DAB2IP: variants seen among roughly 807,000 people sequenced by gnomAD.
DAB2IP encodes DAB2 interacting protein.
A neutral mutation model predicts 107.2 loss-of-function variants in DAB2IP; 28 were observed. The ratio of observed to expected loss-of-function variants is 0.26; its 90% CI spans 0.19 to 0.36. DAB2IP has a LOEUF of 0.36. Among genes scored for constraint, DAB2IP ranks in the 10% least tolerant of loss-of-function variants. The pLI is 1.00. For synonymous variants in DAB2IP, 755 were observed against 706.4 expected (o/e 1.07, Z -1.09); for missense variants, 1,400 against 1,644.7 (o/e 0.85, Z 2.57).
At chr9:121,694,166 TGGGGA>T (rs1385598221) in intron 2 of DAB2IP, among the ~76,000 whole-genome samples, 1 of 152,084 alleles carries the variant, frequency 6.6e-6, no homozygotes, top group Non-Finnish European at 1.5e-5. Context: ...GGGCTGAGTG[TGGGGA>T]GGATGATCAG....
At chr9:121,600,909 C>T (rs1312862515) in intron 1 of DAB2IP, among the ~76,000 whole-genome samples, 2 of 152,172 alleles carry the variant, frequency 1.3e-5, no homozygotes, top group Non-Finnish European at 2.9e-5. Flanking sequence ...CCGATCTATA[C>T]CCTGGAGCCT....
chr9:121,639,574 G>A (rs1832207968), intron 1 of DAB2IP, among the ~76,000 whole-genome samples: 1 of 152,116 alleles, frequency 6.6e-6, no homozygotes, highest in Non-Finnish European at 1.5e-5. Context: ...AGACCACATG[G>A]GGAGCCTGCG....
intron 1 of DAB2IP, among the ~76,000 whole-genome samples, chr9:121,614,794 T>G (rs1831215394): frequency 6.7e-6 from 1 of 150,128 alleles, no homozygotes; most frequent in East Asian, 2.0e-4. Context: ...AGTGCAGTGT[T>G]GCGATCTTGG....
chr9:121,567,285 A>G, intron 1 of DAB2IP: 1 of 1,611,564 alleles, frequency 6.2e-7, no homozygotes, highest in Non-Finnish European at 8.5e-7. Flanking sequence ...TGCTCAACAG[A>G]CTTTTCTCTG....
At chr9:121,757,629 G>A (rs530816704) in intron 4 of DAB2IP, among the ~76,000 whole-genome samples, 1 of 152,174 alleles carries the variant, frequency 6.6e-6, no homozygotes, top group East Asian at 1.9e-4. Context: ...AATGCAGAGA[G>A]CCAGTGACCC....
In DAB2IP at chr9:121,748,210, G is replaced by T. The variant is rs184144104; in HGVS notation, c.363-8803G>T. Among the ~76,000 whole-genome samples the T allele has an allele frequency of 9.6e-4, 147 of 152,340 alleles. 1 individual carries two copies. Among genetic ancestry groups the T allele is most frequent in the Non-Finnish European group, 1.7e-3 (117 of 68,036 alleles). On this transcript the variant is annotated intron_variant, in intron 3 of 15. Transcript: ENST00000408936. ...GCGTGTGAGGAAATGGCACCTAGAA[G>T]GGGGAGGAAACTCGTTCAGGGTCTG...
chr9:121,630,812 TG>T (rs1831849958), intron 1 of DAB2IP, among the ~76,000 whole-genome samples: 4 of 152,172 alleles, frequency 2.6e-5, no homozygotes, highest in African/African-American at 9.6e-5. Flanking sequence ...TTCACCATGT[TG>T]GCCAGGCTGG....
At chr9:121,766,416 T>A in intron 8 of DAB2IP, 78 bp from the exon 9 acceptor site, 23 of 1,367,870 alleles carry the variant, frequency 1.7e-5, no homozygotes, top group Non-Finnish European at 2.2e-5. Context: ...AAGGTTGGAA[T>A]GCAGGTTCCT....
intron 1 of DAB2IP, among the ~76,000 whole-genome samples, chr9:121,609,718 G>A (rs550303740): frequency 1.3e-5 from 2 of 152,350 alleles, no homozygotes; most frequent in South Asian, 2.1e-4. Context: ...AGAGGCCTGG[G>A]TTTGCCTAAA....
chr9:121,750,415 A>G (rs1833032484), intron 3 of DAB2IP, among the ~76,000 whole-genome samples: 1 of 152,104 alleles, frequency 6.6e-6, no homozygotes, highest in Non-Finnish European at 1.5e-5. Context: ...AGCCCTAGCC[A>G]TGCAGCATGT....
chr9:121,699,344 T>C lies in DAB2IP; in HGVS notation c.248T>C (p.Leu83Pro), dbSNP rs1589538448. ...GCGCAGGGCTTCCTCAGCCGCCGCC[T>C]CAAGGGCTCCATCAAGCGCACCAAG... The change falls in exon 3 of 16, where the codon CTC becomes CCC. Residue 83 changes from leucine to proline, a missense_variant. Transcript: ENST00000408936. This position sits in a 1 kb window ranked among gnomAD's most constrained non-coding sequence, Gnocchi z 6.2. 4 of 1,383,588 alleles carry C rather than the reference T, an allele frequency of 2.9e-6. No individual in the cohort carries two copies. Among genetic ancestry groups the C allele is most frequent in the South Asian group, 1.3e-5 (1 of 75,420 alleles). 85.7% of individuals were successfully genotyped at this position (1,383,588 alleles called of 1,614,324 possible). A position where few individuals can be genotyped will look rare whatever the true frequency, so the allele number is the denominator to read the frequency against.
At chr9:121,757,073 C>A in exon 4 of DAB2IP, 1 of 1,614,200 alleles carries the variant, frequency 6.2e-7, no homozygotes, top group Non-Finnish European at 8.5e-7. Flanking sequence ...TCAGCCCCAG[C>A]AGTGCGGTGG....
At chr9:121,595,602 C>CAAA (rs34697198) in intron 1 of DAB2IP, among the ~76,000 whole-genome samples, 1,686 of 133,192 alleles carry the variant, frequency 0.013, 21 homozygotes, top group African/African-American at 0.025. Context: ...GGTGCTGTCT[C>CAAA]AAAAAAAAAA....
At position 121,737,733 on chromosome 9, in the gene DAB2IP, T is replaced by C. The variant is rs956051457; in HGVS notation, c.363-19280T>C. On this transcript the variant is annotated intron_variant, in intron 3 of 15. Transcript: ENST00000408936. ...CCACAAAGGTCTGTTTGAAGTCCTGTGGGAGGGAGGACAGACACCACAAGG... is the reference window on the plus strand; with the variant it reads ...CCACAAAGGTCTGTTTGAAGTCCTGCGGGAGGGAGGACAGACACCACAAGG... 12 of 985,178 alleles carry C rather than the reference T, an allele frequency of 1.2e-5. No individual in the cohort carries two copies. In the Admixed American group the frequency reaches 6.8e-4, roughly 56 times the overall value. The allele number at this position is 985,178 out of a possible 1,614,324, so 61.0% of individuals were successfully genotyped here.
intron 1 of DAB2IP, among the ~76,000 whole-genome samples, chr9:121,617,277 T>C (rs1831311105): frequency 6.6e-6 from 1 of 152,034 alleles, no homozygotes; most frequent in African/African-American, 2.4e-5. Context: ...TGAGCCGAGA[T>C]TGGGCCACTG....
At chr9:121,623,797 C>T (rs1831553953) in intron 1 of DAB2IP, among the ~76,000 whole-genome samples, 1 of 152,110 alleles carries the variant, frequency 6.6e-6, no homozygotes, top group African/African-American at 2.4e-5. Context: ...AAGTGATTCT[C>T]CTGTCTCAGC....
At chr9:121,713,177 G>T (rs916510614) in intron 3 of DAB2IP, among the ~76,000 whole-genome samples, 8 of 152,176 alleles carry the variant, frequency 5.3e-5, no homozygotes, top group Admixed American at 3.3e-4. Flanking sequence ...GCGGGTAATT[G>T]TCTCACCCAG....
chr9:121,753,412 T>C (rs1833265879), intron 3 of DAB2IP, among the ~76,000 whole-genome samples: 1 of 152,156 alleles, frequency 6.6e-6, no homozygotes, highest in East Asian at 1.9e-4. Context: ...CCGTGGGCCA[T>C]GCAATTGGGC....
At chr9:121,681,683 G>A (rs1455792375) in intron 2 of DAB2IP, among the ~76,000 whole-genome samples, 3 of 152,186 alleles carry the variant, frequency 2.0e-5, no homozygotes, top group Non-Finnish European at 2.9e-5. Context: ...GGACATCTAC[G>A]TTTTGTGTCC....
Sources: allele counts gnomAD v4.1 joint callset (sites outside exome capture counted in the v4.1 genomes callset), GRCh38; gene constraint gnomAD v4.1.1; non-coding constraint Gnocchi (gnomAD v3.1); transcripts MANE v1.5; gene names NCBI Gene and HGNC (gene_info 2026-07-23, HGNC 2026-07-21).